Variants in NBN observed in about 807,000 individuals in gnomAD.
NBN encodes nibrin, also known as Nijmegen breakage syndrome 1 (nibrin).
A neutral mutation model predicts 90.8 loss-of-function variants in NBN; 88 were observed. The ratio of observed to expected loss-of-function variants is 0.97; its 90% confidence interval spans 0.82 to 1.16. The LOEUF (loss-of-function observed/expected upper bound fraction) is 1.16, where lower values mean the gene tolerates loss of function less well. Ranked by LOEUF, NBN falls within the 50% of genes most tolerant of loss-of-function variation. The pLI, the probability that NBN is intolerant of heterozygous loss-of-function variation, is 0.00. For missense variants in NBN, 894 were observed against 869.6 expected, an observed-to-expected ratio of 1.03 and a Z score of -0.35; for synonymous variants, 328 against 295.1, an observed-to-expected ratio of 1.11 and a Z score of -1.14.
chr8:89,959,490 C>T (rs1810889470), intron 8 of NBN, among the ~76,000 whole-genome samples: 1 of 152,182 alleles, frequency 6.6e-6, no homozygotes, highest in African/African-American at 2.4e-5. Context: ...CAGTGGTTCA[C>T]GCCTGTTATC....
chr8:89,953,842 C>A, intron 10 of NBN, 151 bp from the exon 11 acceptor site: 1 of 683,512 alleles, frequency 1.5e-6, no homozygotes, highest in Non-Finnish European at 2.5e-6. Flanking sequence ...ACAAATAGAC[C>A]TTTGAAAACA....
At chr8:89,971,843 T>C (rs1049204751) in intron 5 of NBN, among the ~76,000 whole-genome samples, 4 of 152,226 alleles carry the variant, frequency 2.6e-5, no homozygotes, top group African/African-American at 9.6e-5. Context: ...CTCTTTAATT[T>C]AATGCTATAA....
chr8:89,984,285 G>A (rs987825018), intron 1 of NBN: 2 of 600,232 alleles, frequency 3.3e-6, no homozygotes. Context: ...GGAGGGGCGC[G>A]GAGGACTGCC....
In NBN at chr8:89,943,375, T is replaced by C. The variant is rs1248158133; in HGVS notation, c.2071-9A>G. 3 of 1,599,400 alleles carry C rather than the reference T, an allele frequency of 1.9e-6. No individual in the cohort carries two copies. Among genetic ancestry groups the C allele is most frequent in the East Asian group, 4.5e-5 (2 of 44,728 alleles). ...GCTCCAGGATATGTGACCTATTGAATAATAAAAGTAGTACAGTAAATCATA... is the reference window on the plus strand; with the variant it reads ...GCTCCAGGATATGTGACCTATTGAACAATAAAAGTAGTACAGTAAATCATA... On this transcript the variant is annotated splice_polypyrimidine_tract_variant and intron_variant, in intron 13 of 15. Transcript: ENST00000265433.
At chr8:89,980,674 G>C in intron 4 of NBN, 60 bp downstream of exon 4, 1 of 1,438,714 alleles carries the variant, frequency 7.0e-7, no homozygotes, top group Non-Finnish European at 9.7e-7. Flanking sequence ...TCTGTGTATA[G>C]TGGGTAAGCT....
At chr8:89,981,921 T>G in intron 2 of NBN, 1 of 1,040,044 alleles carries the variant, frequency 9.6e-7, no homozygotes, top group Non-Finnish European at 1.3e-6. Flanking sequence ...CCCATGAGAA[T>G]ACGAGGTTAT....
chr8:89,953,723 C>G (rs367896070), intron 10 of NBN, 32 bp from the exon 11 acceptor site: 37 of 1,544,638 alleles, frequency 2.4e-5, no homozygotes, highest in Non-Finnish European at 3.1e-5. Flanking sequence ...GAAAACAAAA[C>G]AAGAAAATGA....
At chr8:89,937,395 C>G in intron 14 of NBN, 1 of 357,826 alleles carries the variant, frequency 2.8e-6, no homozygotes, top group Non-Finnish European at 5.3e-6. Flanking sequence ...GATTTCAGTG[C>G]TTGGGGGTCA....
At chr8:89,955,748 T>C (rs1462757151) in intron 9 of NBN, among the ~76,000 whole-genome samples, 193 bp from the exon 10 acceptor site, 1 of 152,126 alleles carries the variant, frequency 6.6e-6, no homozygotes, top group African/African-American at 2.4e-5. Flanking sequence ...GGAAGGATGA[T>C]ACCTTACTCT....
In NBN at chr8:89,935,436, G is replaced by A. The variant is rs1809625219; in HGVS notation, c.*146C>T. The A allele has an allele frequency of 4.4e-6, 4 of 916,066 alleles. No homozygotes were observed. The highest frequency in any genetic ancestry group is 2.4e-5 in the Admixed American group (1 of 41,806). The allele number at this position is 916,066 out of a possible 1,614,324, so 56.7% of individuals were successfully genotyped here. ...AATTGTTACATACAAAAGAATCAAA[G>A]TTTTGTGCATTTTATTTAATAAATT... On this transcript the variant is annotated 3_prime_UTR_variant, in exon 16 of 16. Transcript: ENST00000265433.
intron 7 of NBN, among the ~76,000 whole-genome samples, chr8:89,968,455 C>T (rs947424862): frequency 8.2e-4 from 125 of 152,298 alleles, no homozygotes; most frequent in African/African-American, 2.9e-3. Flanking sequence ...TGCTCACTGC[C>T]TCTGCTATAT....
intron 2 of NBN, chr8:89,982,433 CAATA>C (rs1214634193): frequency 2.3e-6 from 1 of 437,824 alleles, no homozygotes; most frequent in Non-Finnish European, 4.1e-6. Flanking sequence ...TAATAGTAAA[CAATA>C]AATGTTTAGT....
chr8:89,958,955 A>G lies in NBN; in HGVS notation c.995-101T>C, dbSNP rs1412905503. On this transcript the variant is annotated intron_variant, in intron 8 of 15. Coordinates refer to ENST00000265433, the MANE Select transcript of NBN (RefSeq NM_002485.5). ...TAGACTATACCATGCTGAGGGGATT[A>G]ACTAGGGAATACTGCACATGGTTTT... The G allele has an allele frequency of 9.7e-6, 14 of 1,448,572 alleles. No homozygotes were observed. In the East Asian group the frequency reaches 2.5e-4, roughly 26 times the overall value. The allele number at this position is 1,448,572 out of a possible 1,614,324, so 89.7% of individuals were successfully genotyped here. A position where few individuals can be genotyped will look rare whatever the true frequency, so the allele number is the denominator to read the frequency against.
chr8:89,973,743 T>A (rs907413794), intron 5 of NBN, among the ~76,000 whole-genome samples: 2 of 152,204 alleles, frequency 1.3e-5, no homozygotes, highest in Non-Finnish European at 2.9e-5. Flanking sequence ...TCTAGTAATT[T>A]AATAAACTAG....
At chr8:89,937,205 C>A (rs574591453) in intron 14 of NBN, 130 bp from the exon 15 acceptor site, 53 of 762,216 alleles carry the variant, frequency 7.0e-5, no homozygotes, top group African/African-American at 6.2e-4. Flanking sequence ...TGAGTTCTTG[C>A]CTCTACAATA....
At chr8:89,937,935 C>T (rs1234094416) in intron 14 of NBN, among the ~76,000 whole-genome samples, 1 of 152,196 alleles carries the variant, frequency 6.6e-6, no homozygotes, top group Non-Finnish European at 1.5e-5. Flanking sequence ...GAAGTTAATT[C>T]CTTTTTTTCC....
chr8:89,948,673 C>A (rs989812400), intron 11 of NBN, among the ~76,000 whole-genome samples: 1 of 152,064 alleles, frequency 6.6e-6, no homozygotes, highest in Non-Finnish European at 1.5e-5. Flanking sequence ...AAGTTGGAAA[C>A]GGCAGAAAAA....
rs372267152 is a variant in NBN at position 89,960,649 on chromosome 8, A to AAAT, written c.995-1798_995-1796dup. ...CTGGGTGACAGAGCAAGACTTTATG[A>AAAT]AATAATAATAATAATAATAAGCTAA... is the stretch of plus-strand genomic sequence containing the variant. On this transcript the variant is annotated intron_variant, in intron 8 of 15. Transcript: ENST00000265433. Among the ~76,000 whole-genome samples, 151 of 151,834 alleles carry AAAT rather than the reference A, an allele frequency of 9.9e-4. No individual in the cohort carries two copies. In the South Asian group the frequency reaches 0.013, roughly 13 times the overall value.
intron 9 of NBN, among the ~76,000 whole-genome samples, chr8:89,957,429 T>TAAAGTTTACAGAGTACA (rs1810776618): frequency 6.6e-6 from 1 of 152,244 alleles, no homozygotes. Context: ...TAGGTATTAT[T>TAAAGTTTACAGAGTACA]AAAGTTTACA....
Sources: allele counts gnomAD v4.1 joint callset (sites outside exome capture counted in the v4.1 genomes callset), GRCh38; gene constraint gnomAD v4.1.1; transcripts MANE v1.5; gene names NCBI Gene and HGNC (gene_info 2026-07-23, HGNC 2026-07-21).